Variants in BRD10 observed in about 807,000 individuals in gnomAD.
The protein encoded by BRD10 is bromodomain containing 10, also known as uncharacterized bromodomain-containing protein 10.
the BRD10 span, among the ~76,000 whole-genome samples, chr9:5,879,336 T>A: frequency 6.6e-6 from 1 of 150,710 alleles, no homozygotes; most frequent in East Asian, 1.9e-4. Flanking sequence ...GATGGTGCAC[T>A]CCAGCCTGGG....
chr9:6,002,915 C>T, the BRD10 span, among the ~76,000 whole-genome samples: 1 of 152,078 alleles, frequency 6.6e-6, no homozygotes. Flanking sequence ...AAACTCTGGG[C>T]CTCAAGTGAA....
chr9:5,953,736 T>A, the BRD10 span, among the ~76,000 whole-genome samples: 2 of 151,760 alleles, frequency 1.3e-5, no homozygotes, highest in South Asian at 2.1e-4. Context: ...ATATATATAT[T>A]ATTTCTATTA....
the BRD10 span, among the ~76,000 whole-genome samples, chr9:5,917,523 T>C: frequency 6.6e-6 from 1 of 152,248 alleles, no homozygotes; most frequent in Non-Finnish European, 1.5e-5. Context: ...TATTAGAATT[T>C]TGGATTTAGG....
chr9:5,925,358 CA>C, the BRD10 span, among the ~76,000 whole-genome samples: 93,311 of 116,014 alleles, frequency 0.8, 36,605 homozygotes, highest in Non-Finnish European at 0.89. Flanking sequence ...GACTCCATCT[CA>C]AAAAAAAAAA....
the BRD10 span, among the ~76,000 whole-genome samples, chr9:5,957,452 C>T: frequency 6.6e-6 from 1 of 152,080 alleles, no homozygotes; most frequent in Non-Finnish European, 1.5e-5. Flanking sequence ...ACAATACAGC[C>T]AAGTAGGTAT....
chr9:5,950,805 T>C, the BRD10 span, among the ~76,000 whole-genome samples: 8 of 152,244 alleles, frequency 5.3e-5, no homozygotes, highest in South Asian at 8.3e-4. Context: ...TAAAGTGGTA[T>C]AGTATCTGCA....
chr9:6,001,821 G>A, the BRD10 span, among the ~76,000 whole-genome samples: 2 of 152,024 alleles, frequency 1.3e-5, no homozygotes, highest in African/African-American at 2.4e-5. Context: ...AGCTCATCAC[G>A]GTAGTATACA....
At chr9:5,953,983 T>C in the BRD10 span, 1 of 1,360,066 alleles carries the variant, frequency 7.4e-7, no homozygotes, top group East Asian at 2.5e-5. Context: ...AACAAAAAAT[T>C]GAAAAATTTC....
At chr9:5,936,267 G>T in the BRD10 span, among the ~76,000 whole-genome samples, 1 of 152,078 alleles carries the variant, frequency 6.6e-6, no homozygotes, top group African/African-American at 2.4e-5. Context: ...GAGGTGGGAG[G>T]ACTGCTTGAG....
chr9:5,927,852 GCTCATATA>G, the BRD10 span, among the ~76,000 whole-genome samples: 4 of 151,960 alleles, frequency 2.6e-5, no homozygotes, highest in Non-Finnish European at 5.9e-5. Flanking sequence ...CTCTATCTAT[GCTCATATA>G]CTAAGTGATT....
At chr9:5,922,914 T>A in the BRD10 span, 2 of 1,614,020 alleles carry the variant, frequency 1.2e-6, no homozygotes, top group Non-Finnish European at 1.7e-6. Flanking sequence ...TTTCTACCTG[T>A]GGAAGGAGGC....
the BRD10 span, among the ~76,000 whole-genome samples, chr9:5,976,355 A>G: frequency 1.5e-4 from 23 of 152,332 alleles, no homozygotes; most frequent in African/African-American, 5.3e-4. Flanking sequence ...TCTTCAATGT[A>G]CTGTTATTAA....
At chr9:5,912,063 TTTC>T in the BRD10 span, among the ~76,000 whole-genome samples, 1 of 152,234 alleles carries the variant, frequency 6.6e-6, no homozygotes, top group Non-Finnish European at 1.5e-5. Flanking sequence ...CTTTGATTTC[TTTC>T]TTCAATGTTT....
At chr9:6,003,133 A>T in the BRD10 span, among the ~76,000 whole-genome samples, 4 of 152,214 alleles carry the variant, frequency 2.6e-5, no homozygotes, top group Non-Finnish European at 4.4e-5. Context: ...GGAAATCAAG[A>T]ATAATTTTAA....
At chr9:5,924,674 T>C in the BRD10 span, 1 of 1,504,774 alleles carries the variant, frequency 6.6e-7, no homozygotes, top group Non-Finnish European at 8.9e-7. Context: ...CAAAGTGATC[T>C]TTCTCCAGGA....
chr9:5,921,809 G>A, the BRD10 span: 1 of 1,613,960 alleles, frequency 6.2e-7, no homozygotes, highest in Non-Finnish European at 8.5e-7. Flanking sequence ...GGACTTCAAG[G>A]GAGAAGAGGG....
chr9:5,921,726 TTGC>T, the BRD10 span: 33 of 1,613,964 alleles, frequency 2.0e-5, no homozygotes, highest in African/African-American at 3.2e-4. Flanking sequence ...TGTCCAAAAT[TTGC>T]TGCTGATATG....
the BRD10 span, among the ~76,000 whole-genome samples, chr9:5,958,495 T>G: frequency 6.6e-6 from 1 of 152,132 alleles, no homozygotes; most frequent in Admixed American, 6.6e-5. Flanking sequence ...TTAAGCCAAG[T>G]GTGGTGGTGC....
chr9:6,007,847 T>G, the BRD10 span: 1 of 1,374,106 alleles, frequency 7.3e-7, no homozygotes, highest in South Asian at 1.6e-5. Context: ...GGGGGACGCG[T>G]GAGCGCGAGC....
Sources: gnomAD v4.1 joint callset for allele counts (sites outside exome capture counted in the v4.1 genomes callset) on GRCh38, gnomAD v4.1.1 for gene constraint, MANE v1.5 for transcripts, NCBI Gene and HGNC (gene_info 2026-07-23, HGNC 2026-07-21) for gene names.